ZNF564: variants seen among roughly 807,000 people sequenced by gnomAD.
The protein encoded by ZNF564 is zinc finger protein 564.
In ZNF564, 5 loss-of-function variants were observed where a neutral mutation model predicts 10.5. That is an observed-to-expected ratio of 0.48 (90% CI 0.25 to 1.00). The LOEUF (loss-of-function observed/expected upper bound fraction) is 1.00, where lower values mean the gene tolerates loss of function less well. Among genes scored for constraint, ZNF564 ranks in the 50% least tolerant of loss-of-function variants. The probability of loss-of-function intolerance (pLI) is 0.16; values close to 1 mark genes in which losing one functional copy is unlikely to be tolerated. For missense variants in ZNF564, 603 were observed against 669.7 expected, an observed-to-expected ratio of 0.90 and a Z score of 1.10; for synonymous variants, 242 against 218.1, an observed-to-expected ratio of 1.11 and a Z score of -0.97.
rs752387137 is a variant in ZNF564 at position 12,526,640 on chromosome 19, T to C, written c.1468A>G (p.Ser490Gly). 6.2e-6 allele frequency: 10 copies of C among 1,614,002 alleles called. No individual in the cohort carries two copies. The highest frequency in any genetic ancestry group is 8.5e-6 in the Non-Finnish European group (10 of 1,180,024). ...GTTCTTTCATGTATTCTAATGGAAC[T>C]GGCATAATTGAATGCTTTCCCACAT... ...KECGKAFNYA[S>G]SIRIHERTHT... Residue 490 changes from serine to glycine, a missense_variant, in exon 4 of 4, where the codon AGT (serine) becomes GGT (glycine). Transcript: ENST00000339282.
chr19:12,542,183 C>A (rs1405328466), intron 1 of ZNF564, among the ~76,000 whole-genome samples: 1 of 151,454 alleles, frequency 6.6e-6, no homozygotes, highest in Non-Finnish European at 1.5e-5. Context: ...GTGGTGGGCG[C>A]CTGTAGTCCC....
chr19:12,532,491 C>T (rs867857401), intron 1 of ZNF564, among the ~76,000 whole-genome samples: 33 of 135,930 alleles, frequency 2.4e-4, no homozygotes, highest in Middle Eastern at 4.2e-3. Flanking sequence ...GCCGAGATCG[C>T]GCCACTGCAC....
At position 12,526,182 on chromosome 19, in the gene ZNF564, A is replaced by C. The variant is rs1472225488; in HGVS notation, c.*264T>G. The C allele has an allele frequency of 1.2e-5, 4 of 334,380 alleles. No individual in the cohort carries two copies. Among genetic ancestry groups the C allele is most frequent in the Non-Finnish European group, 2.2e-5 (4 of 183,060 alleles). The allele number at this position is 334,380 out of a possible 1,614,324, so 20.7% of individuals were successfully genotyped here. A position where few individuals can be genotyped will look rare whatever the true frequency, so the allele number is the denominator to read the frequency against. ...CCTAATGTTTAAACTCAAACTCCAA[A>C]GTGTCATCTCAATATCACATCACTC... is the stretch of plus-strand genomic sequence containing the variant. On this transcript the variant is annotated 3_prime_UTR_variant, in exon 4 of 4. Coordinates refer to ENST00000339282, the MANE Select transcript of ZNF564 (RefSeq NM_144976.4).
At position 12,526,722 on chromosome 19, in the gene ZNF564, A is replaced by G. The variant is rs556283247; in HGVS notation, c.1386T>C (p.Ser462=). 6.2e-7 allele frequency: 1 copy of G among 1,614,218 alleles called. No individual in the cohort carries two copies. Among genetic ancestry groups the G allele is most frequent in the African/African-American group, 1.3e-5 (1 of 75,054 alleles). The change falls in exon 4 of 4, where the codon AGT becomes AGC. Residue 462 remains serine, a synonymous_variant. Transcript: ENST00000339282. ...QVCGKAFDCP[S]SVRTHERTHT... ...GAGTTCTTTCATGTGTTCGGACAGA[A>G]CTAGGACAGTCAAAGGCTTTACCAC...
chr19:12,540,147 T>C (rs1179872957), intron 1 of ZNF564, among the ~76,000 whole-genome samples: 3 of 152,148 alleles, frequency 2.0e-5, no homozygotes, highest in Non-Finnish European at 4.4e-5. Flanking sequence ...GAAATTATCT[T>C]ATAATCTATA....
intron 1 of ZNF564, among the ~76,000 whole-genome samples, chr19:12,538,804 G>A (rs1368887385): frequency 6.7e-6 from 1 of 149,178 alleles, no homozygotes; most frequent in Non-Finnish European, 1.5e-5. Flanking sequence ...GCAAGACCCT[G>A]TCTCAAAAAA....
chr19:12,537,754 G>GA (rs1049743970), intron 1 of ZNF564, among the ~76,000 whole-genome samples: 1 of 137,498 alleles, frequency 7.3e-6, no homozygotes, highest in African/African-American at 2.6e-5. Context: ...AAAAAAAAAA[G>GA]AAAAAAAAGA....
At chr19:12,527,977 C>G (rs1033365509) in intron 3 of ZNF564, 61 bp from the exon 4 acceptor site, 2 of 1,493,580 alleles carry the variant, frequency 1.3e-6, no homozygotes, top group Non-Finnish European at 9.0e-7. Flanking sequence ...AATAGGTATT[C>G]GACTTACATT....
intron 1 of ZNF564, among the ~76,000 whole-genome samples, chr19:12,531,808 G>A (rs1008447903): frequency 1.3e-5 from 2 of 152,014 alleles, no homozygotes; most frequent in African/African-American, 4.8e-5. Flanking sequence ...AAAAAATATG[G>A]TAGATATTAA....
intron 1 of ZNF564, among the ~76,000 whole-genome samples, chr19:12,530,489 G>C (rs750683585): frequency 1.4e-4 from 22 of 152,236 alleles, no homozygotes; most frequent in Middle Eastern, 6.8e-3. Flanking sequence ...TGCCAGAAGA[G>C]TTTTTTCTGG....
At chr19:12,538,377 G>A (rs1474467910) in intron 1 of ZNF564, among the ~76,000 whole-genome samples, 2 of 151,762 alleles carry the variant, frequency 1.3e-5, no homozygotes, top group Non-Finnish European at 2.9e-5. Context: ...TGTAATCCCA[G>A]CACTTTGGGA....
In ZNF564 at chr19:12,527,543, T is replaced by A. The variant is rs775967104; in HGVS notation, c.565A>T (p.Ile189Phe). The change falls in exon 4 of 4, where the codon ATT becomes TTT. Residue 189 changes from isoleucine to phenylalanine, a missense_variant. Physicochemically the swap from Ile to Phe is conservative, Grantham distance 21. Coordinates refer to ENST00000339282, the MANE Select transcript of ZNF564 (RefSeq NM_144976.4). Reference protein sequence around the residue: ...ISLPSVRRHMIKHTGDGPYKC... With the variant: ...ISLPSVRRHMFKHTGDGPYKC... ...TATGGTCCATCTCCAGTGTGCTTAATCATGTGTCTTCGAACACTTGGGAGA... is the reference window on the plus strand; with the variant it reads ...TATGGTCCATCTCCAGTGTGCTTAAACATGTGTCTTCGAACACTTGGGAGA... The A allele has an allele frequency of 3.8e-5, 62 of 1,614,078 alleles. No homozygotes were observed. The highest frequency in any genetic ancestry group is 5.2e-5 in the Non-Finnish European group (61 of 1,180,036).
Position 12,547,255 on chromosome 19 carries a change from T to C in ZNF564, c.3+4075A>G, listed in dbSNP as rs1340078722. Among the ~76,000 whole-genome samples the C allele has an allele frequency of 3.9e-5, 6 of 152,242 alleles. No homozygotes were observed. In the East Asian group the frequency reaches 1.2e-3, roughly 29 times the overall value. On this transcript the variant is annotated intron_variant, in intron 1 of 3. Coordinates refer to ENST00000339282, the MANE Select transcript of ZNF564 (RefSeq NM_144976.4). ...TAATTTTGTAGAGAGATGGTCTTAC[T>C]ATGTGTACAGGTTAGTCTCAAACTC...
intron 1 of ZNF564, among the ~76,000 whole-genome samples, chr19:12,545,053 G>A (rs1297994662): frequency 6.6e-6 from 1 of 152,118 alleles, no homozygotes; most frequent in Non-Finnish European, 1.5e-5. Context: ...GAGGTCAGGA[G>A]TTTGAGACCA....
At chr19:12,536,804 CA>C (rs1568264217) in intron 1 of ZNF564, among the ~76,000 whole-genome samples, 1 of 152,140 alleles carries the variant, frequency 6.6e-6, no homozygotes, top group Non-Finnish European at 1.5e-5. Context: ...GTCTTATTCT[CA>C]TTGGTAAATA....
At chr19:12,550,933 C>A (rs1445979828) in intron 1 of ZNF564, among the ~76,000 whole-genome samples, 1 of 152,176 alleles carries the variant, frequency 6.6e-6, no homozygotes, top group Non-Finnish European at 1.5e-5. Flanking sequence ...GAAGACCAGT[C>A]CCCCGGAAAA....
At chr19:12,528,759 C>T (rs2145065297) in intron 1 of ZNF564, 63 bp from the exon 2 acceptor site, 1 of 1,537,770 alleles carries the variant, frequency 6.5e-7, no homozygotes, top group Admixed American at 2.1e-5. Flanking sequence ...GGATGTAAAC[C>T]CAATTCATAA....
chr19:12,527,399 G>A lies in ZNF564; in HGVS notation c.709C>T (p.Leu237Phe). ...CQECAKAFIS[L>F]PSFQRHMIRH... ...ATCATGTGTCTTTGAAAACTTGGAAGAGAAATGAAAGCTTTTGCACATTCC... is the reference window on the plus strand; with the variant it reads ...ATCATGTGTCTTTGAAAACTTGGAAAAGAAATGAAAGCTTTTGCACATTCC... The change falls in exon 4 of 4, where the codon CTT (leucine) becomes TTT (phenylalanine). Residue 237 changes from leucine (L) to phenylalanine (F), a missense_variant. By Grantham distance (22) the Leu-to-Phe change is conservative. Coordinates refer to ENST00000339282, the MANE Select transcript of ZNF564 (RefSeq NM_144976.4). 1 of 1,613,934 alleles carries A rather than the reference G, an allele frequency of 6.2e-7. No homozygotes were observed. Among genetic ancestry groups the A allele is most frequent in the Non-Finnish European group, 8.5e-7 (1 of 1,179,984 alleles).
chr19:12,545,070 C>T (rs1211821431), intron 1 of ZNF564, among the ~76,000 whole-genome samples: 2 of 151,896 alleles, frequency 1.3e-5, no homozygotes, highest in African/African-American at 4.8e-5. Context: ...ACCAGCCTGG[C>T]CAACACGGAG....
Sources: gnomAD v4.1 joint callset for allele counts (sites outside exome capture counted in the v4.1 genomes callset) on GRCh38, gnomAD v4.1.1 for gene constraint, MANE v1.5 for transcripts, NCBI Gene and HGNC (gene_info 2026-07-23, HGNC 2026-07-21) for gene names.